Variants in SUGCT observed in about 807,000 individuals in gnomAD.
The protein encoded by SUGCT is succinyl-CoA:glutarate CoA-transferase.
Under a neutral mutation model 55.0 loss-of-function variants are expected in SUGCT, and 41 were observed. That is an observed-to-expected ratio of 0.74 (90% confidence interval 0.58 to 0.97). The LOEUF (loss-of-function observed/expected upper bound fraction) is 0.97. SUGCT is among the 50% of genes least tolerant of loss of function. The pLI is 0.00. For missense variants in SUGCT, 568 were observed against 547.8 expected (o/e 1.04, Z -0.37); for synonymous variants, 187 against 200.4 (o/e 0.93, Z 0.56).
intron 11 of SUGCT, among the ~76,000 whole-genome samples, chr7:40,461,702 G>A (rs1583740865): frequency 6.6e-6 from 1 of 152,146 alleles, no homozygotes; most frequent in East Asian, 1.9e-4. Context: ...GCATTACACA[G>A]CCACCTCAGA....
chr7:40,936,357 G>A, the SUGCT span, among the ~76,000 whole-genome samples: 3 of 151,468 alleles, frequency 2.0e-5, no homozygotes, highest in African/African-American at 7.3e-5. Flanking sequence ...TATTCAGATA[G>A]GTAATCAAAA....
intron 13 of SUGCT, among the ~76,000 whole-genome samples, chr7:40,851,349 A>T (rs1793842319): frequency 6.6e-6 from 1 of 152,180 alleles, no homozygotes. Flanking sequence ...TGTTGTTGTG[A>T]GGATCAAATT....
the SUGCT span, among the ~76,000 whole-genome samples, chr7:40,937,864 A>G: frequency 6.6e-6 from 1 of 151,940 alleles, no homozygotes; most frequent in Admixed American, 6.6e-5. Context: ...GTGGAAGACA[A>G]TTTTTCCACA....
chr7:40,250,940 G>T (rs534991221), intron 7 of SUGCT, among the ~76,000 whole-genome samples: 1 of 149,644 alleles, frequency 6.7e-6, no homozygotes, highest in South Asian at 2.1e-4. Flanking sequence ...GGGTTCAAGC[G>T]ATTTTCCTGT....
At chr7:40,657,682 C>A (rs1490681467) in intron 12 of SUGCT, among the ~76,000 whole-genome samples, 4 of 152,088 alleles carry the variant, frequency 2.6e-5, no homozygotes, top group East Asian at 1.9e-4. Flanking sequence ...TTACAGGCAC[C>A]CGCCACTAGG....
intron 12 of SUGCT, among the ~76,000 whole-genome samples, chr7:40,649,019 G>C (rs1477398839): frequency 6.6e-6 from 1 of 152,082 alleles, no homozygotes; most frequent in Non-Finnish European, 1.5e-5. Context: ...ACTTAAGAGA[G>C]CTATTCTTAT....
intron 8 of SUGCT, among the ~76,000 whole-genome samples, chr7:40,295,295 G>A (rs956710623): frequency 1.3e-5 from 2 of 152,190 alleles, no homozygotes; most frequent in African/African-American, 4.8e-5. Context: ...GAACTCACAG[G>A]GTAGGTGTGG....
At chr7:40,687,211 T>C (rs980524626) in intron 12 of SUGCT, among the ~76,000 whole-genome samples, 1 of 152,190 alleles carries the variant, frequency 6.6e-6, no homozygotes, top group Non-Finnish European at 1.5e-5. Flanking sequence ...TGGAGAATTA[T>C]GAGGGAAGAG....
intron 12 of SUGCT, among the ~76,000 whole-genome samples, chr7:40,696,244 G>A (rs1446740632): frequency 6.6e-5 from 10 of 152,272 alleles, no homozygotes; most frequent in South Asian, 2.1e-4. Flanking sequence ...TACCTGTGCC[G>A]TTATCCTAGC....
chr7:40,708,789 A>C (rs547883115), intron 12 of SUGCT, among the ~76,000 whole-genome samples: 1 of 148,300 alleles, frequency 6.7e-6, no homozygotes, highest in Non-Finnish European at 1.5e-5. Flanking sequence ...CCCAACCCCC[A>C]CCCCCAGTTA....
chr7:40,466,043 G>A (rs956176316), intron 11 of SUGCT, among the ~76,000 whole-genome samples: 6 of 152,080 alleles, frequency 3.9e-5, no homozygotes, highest in African/African-American at 1.4e-4. Flanking sequence ...CACCATGCCT[G>A]CTTAATTTAA....
At position 40,430,995 on chromosome 7, in the gene SUGCT, G is replaced by A. The variant is rs963395594; in HGVS notation, c.817-18292G>A. ...TAGCTGGGCGTGGTGGCACATGCCCGTAATCCCAGCTACACAGGAGGCTGA... is the reference window on the plus strand; with the variant it reads ...TAGCTGGGCGTGGTGGCACATGCCCATAATCCCAGCTACACAGGAGGCTGA... On this transcript the variant is annotated intron_variant, in intron 9 of 13. Coordinates refer to ENST00000335693, the MANE Select transcript of SUGCT (RefSeq NM_001193313.2). Among the ~76,000 whole-genome samples the A allele has an allele frequency of 4.6e-5, 7 of 151,838 alleles. No homozygotes were observed. The South Asian group carries it at 8.3e-4, about 18-fold the overall frequency.
intron 1 of SUGCT, among the ~76,000 whole-genome samples, chr7:40,172,770 G>T (rs1784736985): frequency 6.6e-6 from 1 of 152,126 alleles, no homozygotes; most frequent in South Asian, 2.1e-4. Context: ...AGCAGAAGCT[G>T]GTTCCAGGCA....
chr7:40,907,382 T>C, the SUGCT span, among the ~76,000 whole-genome samples: 1 of 152,216 alleles, frequency 6.6e-6, no homozygotes, highest in Non-Finnish European at 1.5e-5. Flanking sequence ...TTTGAATTCC[T>C]GATTCTAATT....
the SUGCT span, among the ~76,000 whole-genome samples, chr7:40,892,165 T>C: frequency 1.4e-3 from 206 of 152,338 alleles, no homozygotes; most frequent in Middle Eastern, 3.4e-3. Flanking sequence ...AATTTGTTAA[T>C]GGATACACAA....
At chr7:40,406,220 T>A (rs1786362583) in intron 9 of SUGCT, among the ~76,000 whole-genome samples, 1 of 152,158 alleles carries the variant, frequency 6.6e-6, no homozygotes, top group Non-Finnish European at 1.5e-5. Flanking sequence ...TGACGCCAGC[T>A]GGTTCATCAG....
At chr7:40,835,571 C>T (rs1792922321) in intron 13 of SUGCT, among the ~76,000 whole-genome samples, 1 of 152,184 alleles carries the variant, frequency 6.6e-6, no homozygotes, top group South Asian at 2.1e-4. Flanking sequence ...AAAGGATCTA[C>T]ATAAAACCTG....
At chr7:40,733,660 T>C (rs1247268117) in intron 12 of SUGCT, among the ~76,000 whole-genome samples, 1 of 152,228 alleles carries the variant, frequency 6.6e-6, no homozygotes, top group Non-Finnish European at 1.5e-5. Context: ...TGTCCGTGTC[T>C]TTCTGTAGCC....
chr7:40,640,311 A>T (rs1800213714), intron 12 of SUGCT, among the ~76,000 whole-genome samples: 1 of 152,270 alleles, frequency 6.6e-6, no homozygotes, highest in Non-Finnish European at 1.5e-5. Context: ...ATAAGCATTT[A>T]GCAGCTGGAA....
Sources: allele counts gnomAD v4.1 joint callset (sites outside exome capture counted in the v4.1 genomes callset), GRCh38; gene constraint gnomAD v4.1.1; transcripts MANE v1.5; gene names NCBI Gene and HGNC (gene_info 2026-07-23, HGNC 2026-07-21).